UBA6: variants seen among roughly 807,000 people sequenced by gnomAD.
The protein encoded by UBA6 is ubiquitin like modifier activating enzyme 6, also known as ubiquitin-like modifier-activating enzyme 6.
A neutral mutation model predicts 148.3 loss-of-function variants in UBA6; 87 were observed. The observed-to-expected ratio is 0.59, with a 90% CI of 0.49 to 0.70. The LOEUF is 0.70. Among genes scored for constraint, UBA6 ranks in the 30% least tolerant of loss-of-function variants. The pLI is 0.00. For missense variants in UBA6, 1,186 were observed against 1,241.2 expected, an observed-to-expected ratio of 0.96 and a Z score of 0.67; for synonymous variants, 376 against 401.0, an observed-to-expected ratio of 0.94 and a Z score of 0.75.
At chr4:67,683,480 G>A (rs778363263) in intron 2 of UBA6, among the ~76,000 whole-genome samples, 1 of 151,998 alleles carries the variant, frequency 6.6e-6, no homozygotes, top group East Asian at 1.9e-4. Context: ...TCCAACCCAC[G>A]GTCCACAGGC....
At chr4:67,654,608 C>T (rs1729637429) in intron 13 of UBA6, among the ~76,000 whole-genome samples, 1 of 152,130 alleles carries the variant, frequency 6.6e-6, no homozygotes, top group Non-Finnish European at 1.5e-5. Context: ...ACCATTGATG[C>T]TATGAAGAAA....
intron 2 of UBA6, among the ~76,000 whole-genome samples, 187 bp downstream of exon 2, chr4:67,696,458 T>TACAC (rs10660788): frequency 0.38 from 57,435 of 150,966 alleles, 11,013 homozygotes; most frequent in Middle Eastern, 0.5. Flanking sequence ...CACATATATA[T>TACAC]ACATATACAT....
Position 67,686,981 on chromosome 4 carries a change from A to C in UBA6, c.135-4768T>G, listed in dbSNP as rs866229912. 5.5e-3 allele frequency among the ~76,000 whole-genome samples: 753 copies of C among 136,426 alleles called. 4 individuals carry two copies. Among genetic ancestry groups the C allele is most frequent in the Non-Finnish European group, 8.6e-3 (531 of 61,788 alleles). The allele number at this position is 136,426 out of a possible 152,430, so 89.5% of individuals were successfully genotyped here. ...AAAAAAAAAAAAAAAAAAAAAAAAA[A>C]AAAAAAAAATCAAAAACAACCTACC... On this transcript the variant is annotated intron_variant, in intron 2 of 32. Coordinates refer to ENST00000322244, the MANE Select transcript of UBA6 (RefSeq NM_018227.6).
At chr4:67,626,912 C>T (rs770157128) in intron 27 of UBA6, among the ~76,000 whole-genome samples, 2 of 151,926 alleles carry the variant, frequency 1.3e-5, no homozygotes, top group African/African-American at 2.4e-5. Context: ...CTACTTTAAA[C>T]GCATGTTGCT....
intron 2 of UBA6, among the ~76,000 whole-genome samples, chr4:67,684,545 CTG>C (rs1730513878): frequency 6.6e-6 from 1 of 152,148 alleles, no homozygotes; most frequent in African/African-American, 2.4e-5. Flanking sequence ...ATATCACAAT[CTG>C]TGTAACTCTT....
intron 29 of UBA6, among the ~76,000 whole-genome samples, chr4:67,624,753 C>T (rs1728827200): frequency 6.6e-6 from 1 of 151,820 alleles, no homozygotes; most frequent in African/African-American, 2.4e-5. Context: ...AAGATTATTG[C>T]CTATAAGAAA....
At chr4:67,646,872 T>C (rs1560485687) in intron 14 of UBA6, 81 bp from the exon 15 acceptor site, 3 of 731,082 alleles carry the variant, frequency 4.1e-6, no homozygotes, top group African/African-American at 1.9e-5. Context: ...AGTTATTTAA[T>C]AGTCATGAAG....
rs1728585357 is a variant in UBA6, at chr4:67,614,212, T to C, written c.*4785A>G. On this transcript the variant is annotated 3_prime_UTR_variant, in exon 33 of 33. Transcript: ENST00000322244. ...CCAGAAAATGTTTTAAATTAACCTA[T>C]ACCCTGGAAGCCCCCGCTTTGAGTT... 6.6e-6 allele frequency: 1 copy of C among 152,254 alleles called. No homozygotes were observed. The highest frequency in any genetic ancestry group is 1.5e-5 in the Non-Finnish European group (1 of 68,064). The allele number at this position is 152,254 out of a possible 1,614,324, so 9.4% of individuals were successfully genotyped here. A position where few individuals can be genotyped will look rare whatever the true frequency, so the allele number is the denominator to read the frequency against.
intron 5 of UBA6, 157 bp downstream of exon 5, chr4:67,678,282 T>TA (rs549986021): frequency 0.023 from 8,614 of 382,206 alleles, 102 homozygotes; most frequent in Middle Eastern, 0.056. Context: ...GTAAATGAGT[T>TA]AAAAAAAAAC....
rs1577781287 is a variant in UBA6 at position 67,616,285 on chromosome 4, T to C, written c.*2712A>G. 2 of 388,204 alleles carry C rather than the reference T, an allele frequency of 5.2e-6. No individual in the cohort carries two copies. Among genetic ancestry groups the C allele is most frequent in the Admixed American group, 4.5e-5 (1 of 22,416 alleles). 24.0% of individuals were successfully genotyped at this position (388,204 alleles called of 1,614,324 possible). A position where few individuals can be genotyped will look rare whatever the true frequency, so the allele number is the denominator to read the frequency against. ...TTGCAATCACAATGAATATTCATTA[T>C]AGTGGAAAGATTTAGGTCACGAGAT... On this transcript the variant is annotated 3_prime_UTR_variant, in exon 33 of 33. Transcript: ENST00000322244.
At chr4:67,646,138 C>T in intron 15 of UBA6, 122 bp from the exon 16 acceptor site, 1 of 487,110 alleles carries the variant, frequency 2.1e-6, no homozygotes, top group Non-Finnish European at 3.4e-6. Context: ...TTTCCCCTAA[C>T]CAATCTTAAT....
At chr4:67,686,806 T>C (rs1262082004) in intron 2 of UBA6, among the ~76,000 whole-genome samples, 3 of 151,136 alleles carry the variant, frequency 2.0e-5, no homozygotes, top group African/African-American at 4.9e-5. Flanking sequence ...ATGTGAAAAT[T>C]AGCCAGGTGT....
At chr4:67,680,120 C>A (rs1730396876) in intron 4 of UBA6, among the ~76,000 whole-genome samples, 1 of 152,102 alleles carries the variant, frequency 6.6e-6, no homozygotes, top group African/African-American at 2.4e-5. Flanking sequence ...TAGTATTTAT[C>A]CTGCATTTTG....
At chr4:67,640,223 T>G (rs1729270279) in intron 18 of UBA6, among the ~76,000 whole-genome samples, 1 of 152,168 alleles carries the variant, frequency 6.6e-6, no homozygotes, top group Non-Finnish European at 1.5e-5. Flanking sequence ...CTCAGTAAAA[T>G]AAGAATGAAC....
chr4:67,628,526 T>C (rs1296871261), intron 27 of UBA6, among the ~76,000 whole-genome samples: 1 of 151,758 alleles, frequency 6.6e-6, no homozygotes, highest in African/African-American at 2.4e-5. Context: ...ACCAGCTCCA[T>C]CACTCTTTCT....
At chr4:67,693,339 T>C (rs1560504032) in intron 2 of UBA6, among the ~76,000 whole-genome samples, 1 of 151,618 alleles carries the variant, frequency 6.6e-6, no homozygotes, top group African/African-American at 2.4e-5. Flanking sequence ...TGTGTATATA[T>C]ATATATACAG....
intron 2 of UBA6, among the ~76,000 whole-genome samples, chr4:67,693,772 C>A (rs1287762295): frequency 6.6e-6 from 1 of 152,098 alleles, no homozygotes; most frequent in Non-Finnish European, 1.5e-5. Context: ...TCTTACCCTA[C>A]CTTCATCAAG....
At position 67,630,207 on chromosome 4, in the gene UBA6, A is replaced by G. The variant is rs139631815; in HGVS notation, c.2328+259T>C. 4.8e-3 allele frequency among the ~76,000 whole-genome samples: 726 copies of G among 152,160 alleles called. 4 individuals carry two copies. The highest frequency in any genetic ancestry group is 0.015 in the African/African-American group (631 of 41,428). ...GCTAAGCAGGTTATAAATATTCTTA[A>G]AACAAAGTTTAACTGCTTTTAACAA... On this transcript the variant is annotated intron_variant, in intron 26 of 32. Transcript: ENST00000322244.
chr4:67,684,994 G>A (rs140114368), intron 2 of UBA6, among the ~76,000 whole-genome samples: 148 of 152,174 alleles, frequency 9.7e-4, no homozygotes, highest in African/African-American at 3.4e-3. Context: ...GTCAATCCAG[G>A]CAGTCTAGCC....
Sources: allele counts gnomAD v4.1 joint callset (sites outside exome capture counted in the v4.1 genomes callset), GRCh38; gene constraint gnomAD v4.1.1; transcripts MANE v1.5; gene names NCBI Gene and HGNC (gene_info 2026-07-23, HGNC 2026-07-21).